The following BCKDHB variants were observed in gnomAD, a reference collection of about 807,000 sequenced individuals.
The protein encoded by BCKDHB is branched chain keto acid dehydrogenase E1 subunit beta.
In BCKDHB, 41 loss-of-function variants were observed where a neutral mutation model predicts 48.5. The observed-to-expected ratio is 0.85, with a 90% CI of 0.66 to 1.10. The LOEUF is 1.10. Ranked by LOEUF, BCKDHB falls within the 50% of genes least tolerant of loss-of-function variation. The pLI, the probability that BCKDHB is intolerant of heterozygous loss-of-function variation, is 0.00. For synonymous variants in BCKDHB, 201 were observed against 174.8 expected (o/e 1.15, Z -1.18); for missense variants, 496 against 494.2 (o/e 1.00, Z -0.03).
chr6:80,220,813 C>T (rs1775412781), intron 8 of BCKDHB, among the ~76,000 whole-genome samples: 2 of 149,026 alleles, frequency 1.3e-5, no homozygotes, highest in Admixed American at 1.4e-4. Context: ...CTACTCACTG[C>T]AATCTCCACC....
chr6:80,133,666 A>C (rs1770741716), intron 3 of BCKDHB, among the ~76,000 whole-genome samples: 1 of 151,572 alleles, frequency 6.6e-6, no homozygotes, highest in African/African-American at 2.4e-5. Context: ...TTTTTAAGAC[A>C]GAGTCTTGCT....
At chr6:80,203,509 T>A (rs1471426596) in intron 8 of BCKDHB, among the ~76,000 whole-genome samples, 1 of 152,120 alleles carries the variant, frequency 6.6e-6, no homozygotes, top group Non-Finnish European at 1.5e-5. Flanking sequence ...ATATCAAGGA[T>A]GCCGAAGGCA....
chr6:80,264,746 A>G (rs1056344259), intron 8 of BCKDHB, among the ~76,000 whole-genome samples: 1 of 152,116 alleles, frequency 6.6e-6, no homozygotes, highest in Non-Finnish European at 1.5e-5. Flanking sequence ...TTGAGATTTG[A>G]TTATATATTT....
At chr6:80,296,184 G>A (rs1767233883) in intron 9 of BCKDHB, among the ~76,000 whole-genome samples, 1 of 152,096 alleles carries the variant, frequency 6.6e-6, no homozygotes, top group Admixed American at 6.6e-5. Flanking sequence ...AATCACCATA[G>A]TTATCAGAAA....
chr6:80,252,495 C>A (rs142633542), intron 8 of BCKDHB, among the ~76,000 whole-genome samples: 1 of 152,074 alleles, frequency 6.6e-6, no homozygotes, highest in African/African-American at 2.4e-5. Flanking sequence ...GGTTATTGGT[C>A]ATAAGTTATT....
chr6:80,413,607 A>G, the BCKDHB span, among the ~76,000 whole-genome samples: 5 of 152,200 alleles, frequency 3.3e-5, no homozygotes, highest in Non-Finnish European at 7.4e-5. Flanking sequence ...AACTACATTC[A>G]TGTTTCTGCA....
intron 9 of BCKDHB, among the ~76,000 whole-genome samples, chr6:80,333,131 G>A (rs1769405573): frequency 6.6e-6 from 1 of 152,072 alleles, no homozygotes; most frequent in Admixed American, 6.6e-5. Context: ...TACAATAATA[G>A]CACTAAGTAC....
the BCKDHB span, among the ~76,000 whole-genome samples, chr6:80,442,812 G>A: frequency 6.6e-6 from 1 of 152,170 alleles, no homozygotes; most frequent in South Asian, 2.1e-4. Context: ...CTTGCAGGCT[G>A]TCTCCAGATC....
chr6:80,261,249 CA>C (rs2127950717), intron 8 of BCKDHB, among the ~76,000 whole-genome samples: 1 of 152,122 alleles, frequency 6.6e-6, no homozygotes, highest in South Asian at 2.1e-4. Context: ...CCAATTCGGG[CA>C]ATAGCAGGCC....
intron 8 of BCKDHB, among the ~76,000 whole-genome samples, chr6:80,208,121 T>C (rs1774753517): frequency 6.6e-6 from 1 of 151,766 alleles, no homozygotes; most frequent in Non-Finnish European, 1.5e-5. Context: ...CTTGGAGTCA[T>C]TGAGATTATG....
chr6:80,191,184 G>A (rs1773877487), intron 6 of BCKDHB, among the ~76,000 whole-genome samples: 1 of 152,144 alleles, frequency 6.6e-6, no homozygotes, highest in African/African-American at 2.4e-5. Context: ...CGAGAAGAGG[G>A]TGCTCATCAA....
In BCKDHB at chr6:80,171,408, T is replaced by G. The variant is rs761997595; in HGVS notation, c.742+18T>G. ...GGCAGCAGGTAAAGATTTTCTTTATTTTATATTTGTGAATATCTTTATATA... is the reference window on the plus strand; with the variant it reads ...GGCAGCAGGTAAAGATTTTCTTTATGTTATATTTGTGAATATCTTTATATA... On this transcript the variant is annotated intron_variant, in intron 6 of 9. Coordinates refer to ENST00000320393, the MANE Select transcript of BCKDHB (RefSeq NM_183050.4). 1 of 1,471,998 alleles carries G rather than the reference T, an allele frequency of 6.8e-7. No homozygotes were observed. Among genetic ancestry groups the G allele is most frequent in the Non-Finnish European group, 9.4e-7 (1 of 1,060,992 alleles). The allele number at this position is 1,471,998 out of a possible 1,614,324, so 91.2% of individuals were successfully genotyped here.
the BCKDHB span, among the ~76,000 whole-genome samples, chr6:80,425,651 C>A: frequency 1.3e-5 from 2 of 152,178 alleles, no homozygotes; most frequent in African/African-American, 2.4e-5. Context: ...GACAATGAAA[C>A]CTAAGACATC....
chr6:80,346,947 A>G (rs1770226484), downstream of BCKDHB, among the ~76,000 whole-genome samples: 1 of 152,120 alleles, frequency 6.6e-6, no homozygotes, highest in Non-Finnish European at 1.5e-5. Context: ...CCATAAAGCA[A>G]AGAATGAGGG....
intron 1 of BCKDHB, among the ~76,000 whole-genome samples, chr6:80,108,175 G>C (rs1216100282): frequency 6.6e-6 from 1 of 152,082 alleles, no homozygotes; most frequent in Non-Finnish European, 1.5e-5. Flanking sequence ...CAAAGCTCCA[G>C]CTTTGGAATC....
chr6:80,452,246 G>A, the BCKDHB span, among the ~76,000 whole-genome samples: 1 of 152,164 alleles, frequency 6.6e-6, no homozygotes, highest in Admixed American at 6.5e-5. Flanking sequence ...ATTTCAGTGG[G>A]GTAGAGATGT....
At chr6:80,112,227 A>G (rs1405218598) in intron 1 of BCKDHB, among the ~76,000 whole-genome samples, 2 of 152,224 alleles carry the variant, frequency 1.3e-5, no homozygotes, top group Admixed American at 6.5e-5. Flanking sequence ...AACTCTAGCC[A>G]TGAGATAGCA....
the BCKDHB span, among the ~76,000 whole-genome samples, chr6:80,362,080 G>A: frequency 6.6e-6 from 1 of 152,120 alleles, no homozygotes; most frequent in South Asian, 2.1e-4. Flanking sequence ...TCTGACCTGA[G>A]CTTTAGAGAA....
At chr6:80,206,837 T>TA (rs955265625) in intron 8 of BCKDHB, among the ~76,000 whole-genome samples, 3 of 151,058 alleles carry the variant, frequency 2.0e-5, no homozygotes, top group African/African-American at 7.3e-5. Flanking sequence ...TAACAGTATC[T>TA]AAAAAAAAAT....
Sources: gnomAD v4.1 joint callset for allele counts (sites outside exome capture counted in the v4.1 genomes callset) on GRCh38, gnomAD v4.1.1 for gene constraint, MANE v1.5 for transcripts, NCBI Gene and HGNC (gene_info 2026-07-23, HGNC 2026-07-21) for gene names.